SKI: variants seen among roughly 807,000 people sequenced by gnomAD.
SKI encodes ski oncogene.
SKI carries 23 observed loss-of-function variants against 59.3 expected under a neutral mutation model. That is an observed-to-expected ratio of 0.39 (90% CI 0.28 to 0.55). The LOEUF is 0.55. SKI is among the 20% of genes least tolerant of loss of function. The pLI is 0.67. For synonymous variants in SKI, 673 were observed against 488.6 expected (o/e 1.38, Z -4.98); for missense variants, 1,017 against 1,038.9 (o/e 0.98, Z 0.29).
chr1:2,280,467 G>A (rs894409754), intron 1 of SKI, among the ~76,000 whole-genome samples: 11 of 152,094 alleles, frequency 7.2e-5, no homozygotes, highest in Admixed American at 2.0e-4. Flanking sequence ...TGTAAGTGCA[G>A]TGACCGGACA....
At position 2,228,668 on chromosome 1, in the gene SKI, C is replaced by G. The variant is rs1638556652; in HGVS notation, c.-99C>G. ...GCCGGCGGCGGGGGGCGGCCGGGGT[C>G]GGGGCCGCGGGCGCCGCCGGGGCGC... is the stretch of plus-strand genomic sequence containing the variant. On this transcript the variant is annotated 5_prime_UTR_variant, in exon 1 of 7. Transcript: ENST00000378536. 19 of 635,546 alleles carry G rather than the reference C, an allele frequency of 3.0e-5. No homozygotes were observed. The highest frequency in any genetic ancestry group is 3.7e-5 in the Non-Finnish European group (19 of 515,798). 39.4% of individuals were successfully genotyped at this position (635,546 alleles called of 1,614,324 possible).
intron 1 of SKI, among the ~76,000 whole-genome samples, chr1:2,296,096 A>C (rs541402082): frequency 6.6e-6 from 1 of 152,176 alleles, no homozygotes; most frequent in East Asian, 1.9e-4. Flanking sequence ...CAAACTAAAA[A>C]ATTCTAGGCC....
chr1:2,290,083 A>G (rs1244275806), intron 1 of SKI, among the ~76,000 whole-genome samples: 1 of 152,046 alleles, frequency 6.6e-6, no homozygotes, highest in Non-Finnish European at 1.5e-5. Context: ...CCTGTTGGTC[A>G]GGGATGTTCC....
intron 1 of SKI, among the ~76,000 whole-genome samples, chr1:2,230,525 C>T (rs958207638): frequency 1.3e-5 from 2 of 152,182 alleles, no homozygotes; most frequent in Non-Finnish European, 2.9e-5. Context: ...TTTGGACTCA[C>T]CCATTTCCTT....
chr1:2,238,644 C>T (rs1246081264), intron 1 of SKI, among the ~76,000 whole-genome samples: 3 of 152,218 alleles, frequency 2.0e-5, no homozygotes, highest in African/African-American at 7.2e-5. Flanking sequence ...GAGGAGCACA[C>T]TGGACAGGGC....
chr1:2,230,015 C>T (rs1303770134), intron 1 of SKI, among the ~76,000 whole-genome samples: 1 of 152,222 alleles, frequency 6.6e-6, no homozygotes, highest in Non-Finnish European at 1.5e-5. Context: ...GGCCCGCAGG[C>T]CCACAGGCAT....
intron 1 of SKI, among the ~76,000 whole-genome samples, chr1:2,276,432 T>A (rs771615538): frequency 1.3e-5 from 2 of 151,934 alleles, no homozygotes; most frequent in Non-Finnish European, 2.9e-5. Flanking sequence ...TGTCTGCTGC[T>A]CTCCTGGCCC....
intron 1 of SKI, among the ~76,000 whole-genome samples, chr1:2,255,504 C>T (rs1286041579): frequency 3.5e-5 from 5 of 142,298 alleles, no homozygotes; most frequent in Admixed American, 7.0e-5. Flanking sequence ...TCATTTCCTG[C>T]CTGGAGCTCT....
intron 1 of SKI, chr1:2,240,737 G>A (rs1406037396): frequency 3.9e-5 from 38 of 985,464 alleles, no homozygotes; most frequent in Non-Finnish European, 4.5e-5. Context: ...GCGCAGACAC[G>A]GACTTCACCC....
At chr1:2,291,965 T>A (rs549188008) in intron 1 of SKI, among the ~76,000 whole-genome samples, 1 of 152,384 alleles carries the variant, frequency 6.6e-6, no homozygotes, top group African/African-American at 2.4e-5. Flanking sequence ...GAAAATAGGT[T>A]AATTTAAGCC....
At chr1:2,292,419 C>T (rs1306481475) in intron 1 of SKI, among the ~76,000 whole-genome samples, 3 of 152,204 alleles carry the variant, frequency 2.0e-5, no homozygotes, top group Non-Finnish European at 4.4e-5. Context: ...GACCCTTCAT[C>T]TAGCAGACGT....
chr1:2,252,330 C>A (rs1001909167), intron 1 of SKI, among the ~76,000 whole-genome samples: 5 of 152,270 alleles, frequency 3.3e-5, no homozygotes, highest in Admixed American at 2.6e-4. Flanking sequence ...TTGAGAATCC[C>A]CTGGGCCCCA....
chr1:2,253,691 G>A (rs1639214503), intron 1 of SKI, among the ~76,000 whole-genome samples: 2 of 152,210 alleles, frequency 1.3e-5, no homozygotes, highest in Admixed American at 1.3e-4. Flanking sequence ...CGAGCAGATG[G>A]AGGATGGAGC....
At chr1:2,262,637 T>G (rs1311335564) in intron 1 of SKI, among the ~76,000 whole-genome samples, 1 of 152,140 alleles carries the variant, frequency 6.6e-6, no homozygotes, top group Admixed American at 6.5e-5. Context: ...GCATGTTGGG[T>G]TTTCGCCAGT....
intron 1 of SKI, among the ~76,000 whole-genome samples, chr1:2,263,427 G>C (rs1421787703): frequency 6.7e-6 from 1 of 150,248 alleles, no homozygotes; most frequent in Non-Finnish European, 1.5e-5. Context: ...TAATAGAGAC[G>C]GGGTTTCAGC....
At chr1:2,279,523 G>T (rs1371125463) in intron 1 of SKI, among the ~76,000 whole-genome samples, 4 of 152,168 alleles carry the variant, frequency 2.6e-5, no homozygotes, top group African/African-American at 9.7e-5. Context: ...GGAATTAGGG[G>T]GAGGGGGACA....
chr1:2,231,591 G>T (rs754784021), intron 1 of SKI, among the ~76,000 whole-genome samples: 8 of 152,174 alleles, frequency 5.3e-5, no homozygotes, highest in Middle Eastern at 3.2e-3. Context: ...CCTCCGAGCC[G>T]CCTTTCCCTT....
intron 1 of SKI, among the ~76,000 whole-genome samples, chr1:2,246,766 G>A (rs954682470): frequency 2.0e-5 from 3 of 152,174 alleles, no homozygotes; most frequent in East Asian, 1.9e-4. Flanking sequence ...CTCAGAGAGT[G>A]CGGCAGTCGG....
chr1:2,254,251 G>A (rs1313400636), intron 1 of SKI, among the ~76,000 whole-genome samples: 1 of 152,306 alleles, frequency 6.6e-6, no homozygotes, highest in African/African-American at 2.4e-5. Context: ...CTGCTGGTGC[G>A]CCTGCAAGAG....
Sources: gnomAD v4.1 joint callset for allele counts (sites outside exome capture counted in the v4.1 genomes callset) on GRCh38, gnomAD v4.1.1 for gene constraint, MANE v1.5 for transcripts, NCBI Gene and HGNC (gene_info 2026-07-23, HGNC 2026-07-21) for gene names.